The following ASPH variants were observed in gnomAD, a reference collection of about 807,000 sequenced individuals.
ASPH encodes aspartate beta-hydroxylase, also known as aspartyl/asparaginyl beta-hydroxylase.
Under a neutral mutation model 118.4 loss-of-function variants are expected in ASPH, and 100 were observed. That is an observed-to-expected ratio of 0.84 (90% CI 0.72 to 1.00). The LOEUF (loss-of-function observed/expected upper bound fraction) is 1.00. Ranked by LOEUF, ASPH falls within the 50% of genes least tolerant of loss-of-function variation. ASPH has a pLI of 0.00. For synonymous variants in ASPH, 315 were observed against 325.6 expected (o/e 0.97, Z 0.35); for missense variants, 920 against 919.5 (o/e 1.00, Z -0.01).
chr8:61,651,293 A>G (rs1049062570), intron 4 of ASPH, 169 bp from the exon 5 acceptor site: 15 of 471,160 alleles, frequency 3.2e-5, no homozygotes, highest in African/African-American at 2.6e-4. Flanking sequence ...GTTGGCAAAC[A>G]TGGTAGATAT....
At chr8:61,574,783 G>T (rs577305755) in intron 16 of ASPH, among the ~76,000 whole-genome samples, 5 of 152,158 alleles carry the variant, frequency 3.3e-5, no homozygotes, top group African/African-American at 1.2e-4. Flanking sequence ...ACCATGGCAC[G>T]TGTATACCTA....
At chr8:61,620,350 CT>C (rs948740135) in intron 13 of ASPH, among the ~76,000 whole-genome samples, 5 of 152,176 alleles carry the variant, frequency 3.3e-5, no homozygotes, top group Admixed American at 1.3e-4. Context: ...CCAAAGCATA[CT>C]TTTTTTCCAC....
chr8:61,714,135 A>G, intron 1 of ASPH, 134 bp downstream of exon 1: 5 of 1,234,122 alleles, frequency 4.1e-6, no homozygotes, highest in Non-Finnish European at 5.1e-6. Context: ...CCGCGCGCCT[A>G]AAGGAGGAGC....
intron 1 of ASPH, among the ~76,000 whole-genome samples, chr8:61,688,106 A>T (rs1464064255): frequency 6.6e-6 from 1 of 152,170 alleles, no homozygotes; most frequent in Non-Finnish European, 1.5e-5. Context: ...AACCCTTAAG[A>T]GGGTTTACAA....
intron 2 of ASPH, among the ~76,000 whole-genome samples, chr8:61,681,990 T>TA (rs928005135): frequency 2.0e-5 from 3 of 151,482 alleles, no homozygotes; most frequent in Non-Finnish European, 4.4e-5. Flanking sequence ...GCATTAGTAC[T>TA]AAAAAAAAAT....
chr8:61,678,138 C>T (rs1183044919), intron 3 of ASPH, among the ~76,000 whole-genome samples: 1 of 152,082 alleles, frequency 6.6e-6, no homozygotes, highest in Non-Finnish European at 1.5e-5. Flanking sequence ...GTAGCAAGTG[C>T]TGACTGGCTT....
intron 12 of ASPH, 48 bp from the exon 13 acceptor site, chr8:61,633,775 G>GT (rs1856614317): frequency 7.5e-7 from 1 of 1,326,260 alleles, no homozygotes; most frequent in South Asian, 1.5e-5. Flanking sequence ...GCTGATCAGT[G>GT]TTTAAAATAT....
intron 14 of ASPH, among the ~76,000 whole-genome samples, chr8:61,600,634 CA>C (rs200261023): frequency 4.0e-5 from 6 of 149,712 alleles, no homozygotes; most frequent in African/African-American, 5.0e-5. Context: ...ATAATAGCTA[CA>C]AAAAAAACCT....
intron 1 of ASPH, among the ~76,000 whole-genome samples, chr8:61,708,789 G>A (rs370484581): frequency 6.6e-6 from 1 of 152,196 alleles, no homozygotes; most frequent in Non-Finnish European, 1.5e-5. Flanking sequence ...ACATGTAGGA[G>A]AGAAGTGCTG....
At chr8:61,572,626 G>GCTCCA (rs1833800828) in intron 16 of ASPH, among the ~76,000 whole-genome samples, 1 of 152,070 alleles carries the variant, frequency 6.6e-6, no homozygotes, top group South Asian at 2.1e-4. Flanking sequence ...AGTCCTTTCA[G>GCTCCA]CTCCACCAAC....
intron 1 of ASPH, among the ~76,000 whole-genome samples, chr8:61,703,807 T>C (rs535967921): frequency 6.6e-6 from 1 of 152,266 alleles, no homozygotes; most frequent in South Asian, 2.1e-4. Context: ...GTATCTACAC[T>C]ATTTAGAGCT....
intron 14 of ASPH, among the ~76,000 whole-genome samples, chr8:61,593,727 T>C (rs1841818300): frequency 6.6e-6 from 1 of 152,206 alleles, no homozygotes; most frequent in Non-Finnish European, 1.5e-5. Context: ...ACCCCATATG[T>C]TAAATTAGAA....
chr8:61,607,126 G>A (rs977332797), intron 14 of ASPH: 3 of 557,624 alleles, frequency 5.4e-6, no homozygotes, highest in East Asian at 3.0e-5. Flanking sequence ...CTTTCAGAGC[G>A]CTCCACAGAG....
intron 1 of ASPH, among the ~76,000 whole-genome samples, chr8:61,713,438 G>C (rs758530583): frequency 2.0e-5 from 3 of 152,188 alleles, no homozygotes; most frequent in Non-Finnish European, 4.4e-5. Context: ...AGAAAACAAA[G>C]AGTCTAAATC....
At chr8:61,509,762 A>T (rs1808096148) in intron 24 of ASPH, among the ~76,000 whole-genome samples, 1 of 152,014 alleles carries the variant, frequency 6.6e-6, no homozygotes, top group Non-Finnish European at 1.5e-5. Context: ...CTCCAGTTCC[A>T]GGGTAGGGGC....
At chr8:61,583,713 A>G (rs1461042615) in intron 15 of ASPH, among the ~76,000 whole-genome samples, 2 of 152,176 alleles carry the variant, frequency 1.3e-5, no homozygotes, top group Non-Finnish European at 2.9e-5. Context: ...AGGTAGGCTG[A>G]CACCCGCATC....
At chr8:61,603,637 G>A (rs988345930) in intron 14 of ASPH, among the ~76,000 whole-genome samples, 7 of 152,172 alleles carry the variant, frequency 4.6e-5, no homozygotes, top group South Asian at 2.1e-4. Flanking sequence ...ATTTTGACAC[G>A]TATTTATTGA....
At chr8:61,698,175 G>C (rs1249532509) in intron 1 of ASPH, among the ~76,000 whole-genome samples, 1 of 152,204 alleles carries the variant, frequency 6.6e-6, no homozygotes, top group African/African-American at 2.4e-5. Context: ...AAGCAGTTCA[G>C]AGACTCCAGG....
chr8:61,538,088 C>T lies in ASPH; in HGVS notation c.1764+9983G>A, dbSNP rs147043089. ...TGTTTTAAGCCTTACCAAAACGTCA[C>T]GGGAGAAGAGGAGCTGAGGTAATTA... On this transcript the variant is annotated intron_variant, in intron 21 of 24. Coordinates refer to ENST00000379454, the MANE Select transcript of ASPH (RefSeq NM_004318.4). Among the ~76,000 whole-genome samples the T allele has an allele frequency of 1.1e-3, 167 of 151,952 alleles. 1 individual carries two copies. The Middle Eastern group carries it at 0.027, about 25-fold the overall frequency.
Sources: allele counts gnomAD v4.1 joint callset (sites outside exome capture counted in the v4.1 genomes callset), GRCh38; gene constraint gnomAD v4.1.1; transcripts MANE v1.5; gene names NCBI Gene and HGNC (gene_info 2026-07-23, HGNC 2026-07-21).